ZNF846: variants seen among roughly 807,000 people sequenced by gnomAD.
ZNF846 encodes zinc finger protein 846.
A neutral mutation model predicts 16.0 loss-of-function variants in ZNF846; 15 were observed. The ratio of observed to expected loss-of-function variants is 0.94; its 90% CI spans 0.63 to 1.45. ZNF846 has a LOEUF of 1.45. ZNF846 is among the 40% of genes most tolerant of loss of function. The pLI is 0.00. For synonymous variants in ZNF846, 229 were observed against 212.0 expected (o/e 1.08, Z -0.70); for missense variants, 714 against 622.3 (o/e 1.15, Z -1.57).
rs537175723 is a variant in ZNF846, at chr19:9,762,069, C to T, written c.229+13G>A. ...CAGCAGTGCCATAATACCACATCTG[C>T]TTATGAACTCACCCTGCAGAACTCC... On this transcript the variant is annotated intron_variant, in intron 4 of 5. Transcript: ENST00000397902. The T allele has an allele frequency of 1.2e-6, 2 of 1,612,178 alleles. No individual in the cohort carries two copies. The highest frequency in any genetic ancestry group is 2.2e-5 in the East Asian group (1 of 44,858).
downstream of ZNF846, among the ~76,000 whole-genome samples, chr19:9,750,804 A>G (rs1017573278): frequency 6.6e-6 from 1 of 152,198 alleles, no homozygotes; most frequent in Admixed American, 6.5e-5. Context: ...CATTACAGAT[A>G]TATCACAATC....
downstream of ZNF846, among the ~76,000 whole-genome samples, chr19:9,755,160 G>A (rs1018493497): frequency 6.6e-6 from 1 of 151,402 alleles, no homozygotes; most frequent in Non-Finnish European, 1.5e-5. Context: ...TGGTGACCAC[G>A]GGGATTAAAT....
chr19:9,757,711 C>G (rs753812125), exon 6 of ZNF846: 7 of 1,613,250 alleles, frequency 4.3e-6, no homozygotes, highest in Non-Finnish European at 5.1e-6. Flanking sequence ...AATGCTTTAC[C>G]GCATTCCTTA....
chr19:9,773,614 T>A (rs1257955576), upstream of ZNF846, among the ~76,000 whole-genome samples: 2 of 152,126 alleles, frequency 1.3e-5, no homozygotes, highest in African/African-American at 2.4e-5. Context: ...AAATCCCGTC[T>A]CTATTAAAAA....
At chr19:9,764,838 T>A (rs1405369675) in intron 2 of ZNF846, 98 bp downstream of exon 2, 3 of 1,410,052 alleles carry the variant, frequency 2.1e-6, no homozygotes, top group Non-Finnish European at 3.0e-6. Flanking sequence ...AGCAGGACCA[T>A]CATTTCTTTA....
At chr19:9,754,974 T>A (rs1237225797), downstream of ZNF846, among the ~76,000 whole-genome samples, 1 of 151,376 alleles carries the variant, frequency 6.6e-6, no homozygotes, top group Non-Finnish European at 1.5e-5. Flanking sequence ...CAAGCAATCC[T>A]CCTGCCTCAG....
chr19:9,758,127 T>C, exon 6 of ZNF846: 1 of 1,613,636 alleles, frequency 6.2e-7, no homozygotes, highest in Non-Finnish European at 8.5e-7. Flanking sequence ...AGTGAAGGCT[T>C]TTCCACATTC....
At chr19:9,770,643 G>A (rs561444521), upstream of ZNF846, among the ~76,000 whole-genome samples, 11 of 152,078 alleles carry the variant, frequency 7.2e-5, no homozygotes, top group South Asian at 4.2e-4. Context: ...CGAGGCAGGC[G>A]GATCACCTGA....
chr19:9,754,550 G>A (rs1356519634), downstream of ZNF846, among the ~76,000 whole-genome samples: 2 of 117,490 alleles, frequency 1.7e-5, no homozygotes. Context: ...GGGCGACAGA[G>A]CGAGACTCTG....
intron 1 of ZNF846, among the ~76,000 whole-genome samples, chr19:9,776,725 C>T (rs189552672): frequency 6.7e-4 from 102 of 152,230 alleles, no homozygotes; most frequent in African/African-American, 2.4e-3. Flanking sequence ...CTCTTGTCGC[C>T]ACACACAGGG....
rs115017132 is a variant in ZNF846, at chr19:9,778,478, G to C, written c.-86+7460C>G. ...CTCTAGACCTACCTCCCAATTTACA[G>C]AAAATGCAGGTGACAGAAAAACAAG... On this transcript the variant is annotated intron_variant, in intron 1 of 4. Transcript: ENST00000586814. Among the ~76,000 whole-genome samples the C allele has an allele frequency of 8.9e-3, 1,362 of 152,212 alleles. 14 individuals are homozygous for C. Among genetic ancestry groups the C allele is most frequent in the African/African-American group, 0.031 (1,307 of 41,542 alleles).
chr19:9,757,870 AGGCTTTCCCACATTCTTTACATTCATAG>A lies in ZNF846; in HGVS notation c.1179_1206del (p.Tyr394LeufsTer11), dbSNP rs762211025. On this transcript the variant is annotated frameshift_variant, in exon 6 of 6. Coordinates refer to ENST00000397902, the Ensembl canonical transcript of ZNF846. LOFTEE classifies it low-confidence loss of function (END_TRUNC). ...TGACTAAGCATTGAGGAATTATTAA[AGGCTTTCCCACATTCTTTACATTCATAG>A]GGCTTTTCTCCAGTATGTGTTCTCA... 6.1e-5 allele frequency: 98 copies of A among 1,613,522 alleles called. No homozygotes were observed. Among genetic ancestry groups the A allele is most frequent in the Middle Eastern group, 5.0e-4 (3 of 6,060 alleles).
At chr19:9,774,467 CAAAAAA>C in intron 1 of ZNF846, 1 of 706,132 alleles carries the variant, frequency 1.4e-6, no homozygotes, top group South Asian at 1.6e-5. Flanking sequence ...GACTCCGTCT[CAAAAAA>C]AAAAAAAAAA....
chr19:9,770,873 A>G (rs1303185043), upstream of ZNF846, among the ~76,000 whole-genome samples: 1 of 152,140 alleles, frequency 6.6e-6, no homozygotes, highest in Non-Finnish European at 1.5e-5. Flanking sequence ...TCTCAAAAAA[A>G]TAAAAAATAA....
chr19:9,758,296 T>A lies in ZNF846; in HGVS notation c.781A>T (p.Lys261Ter), dbSNP rs775270121. ...AGTCCTGTGGATTGAGTGAAAGCTT[T>A]ACCACATTCTTTACAGACATAGGGC... Residue 261 changes from lysine (K) to a stop codon, truncating the protein, a stop_gained, in exon 6 of 6, where the codon AAA (lysine) becomes TAA (stop). Transcript: ENST00000397902. LOFTEE classifies it low-confidence loss of function (END_TRUNC). 1.9e-6 allele frequency: 3 copies of A among 1,613,472 alleles called. No homozygotes were observed. Among genetic ancestry groups the A allele is most frequent in the Non-Finnish European group, 2.5e-6 (3 of 1,180,014 alleles).
intron 1 of ZNF846, among the ~76,000 whole-genome samples, chr19:9,783,702 T>A (rs978564152): frequency 9.3e-5 from 14 of 150,592 alleles, no homozygotes; most frequent in African/African-American, 2.9e-4. Flanking sequence ...TTTTTTTTTT[T>A]AATTTCAGAC....
At chr19:9,782,920 T>C (rs1341283369) in intron 1 of ZNF846, among the ~76,000 whole-genome samples, 1 of 131,118 alleles carries the variant, frequency 7.6e-6, no homozygotes, top group Non-Finnish European at 1.5e-5. Context: ...ACTATCTCCC[T>C]GTAACTTTTT....
chr19:9,767,608 CCT>C (rs1568326441), intron 1 of ZNF846, among the ~76,000 whole-genome samples: 2 of 152,014 alleles, frequency 1.3e-5, no homozygotes, highest in Non-Finnish European at 2.9e-5. Context: ...AAACCAAGAC[CCT>C]GTCTTTAAAA....
At chr19:9,774,504 C>A in intron 1 of ZNF846, 1 of 1,086,856 alleles carries the variant, frequency 9.2e-7, no homozygotes, top group Non-Finnish European at 1.4e-6. Context: ...AAGATGGCGG[C>A]CAGCAGGAGG....
Sources: allele counts gnomAD v4.1 joint callset (sites outside exome capture counted in the v4.1 genomes callset), GRCh38; gene constraint gnomAD v4.1.1; transcripts MANE v1.5; gene names NCBI Gene and HGNC (gene_info 2026-07-23, HGNC 2026-07-21).